Variants in COL25A1 observed in about 807,000 individuals in gnomAD.
COL25A1 encodes the protein collagen type XXV alpha 1 chain.
Under a neutral mutation model 128.4 loss-of-function variants are expected in COL25A1, and 103 were observed. The ratio of observed to expected loss-of-function variants is 0.80; its 90% confidence interval spans 0.68 to 0.94. The LOEUF is 0.94. Among genes scored for constraint, COL25A1 ranks in the 40% least tolerant of loss-of-function variants. COL25A1 has a pLI of 0.00. For missense variants in COL25A1, 745 were observed against 840.0 expected, an observed-to-expected ratio of 0.89 and a Z score of 1.40; for synonymous variants, 279 against 277.2, an observed-to-expected ratio of 1.01 and a Z score of -0.06.
chr4:109,118,910 C>T (rs1375360668), intron 3 of COL25A1, among the ~76,000 whole-genome samples: 3 of 151,972 alleles, frequency 2.0e-5, no homozygotes, highest in Non-Finnish European at 4.4e-5. Flanking sequence ...CAACAGCAGA[C>T]TACACATTCT....
intron 6 of COL25A1, among the ~76,000 whole-genome samples, chr4:109,008,072 A>G (rs1756207602): frequency 6.6e-6 from 1 of 152,186 alleles, no homozygotes; most frequent in African/African-American, 2.4e-5. Context: ...TCTTGTCTAT[A>G]AGACACGAGC....
At chr4:108,988,107 C>T (rs1048912111) in intron 6 of COL25A1, among the ~76,000 whole-genome samples, 1 of 152,216 alleles carries the variant, frequency 6.6e-6, no homozygotes, top group Non-Finnish European at 1.5e-5. Flanking sequence ...ATGACTTAAC[C>T]TCTCTGAGCC....
At chr4:109,105,669 A>G (rs531291319) in intron 3 of COL25A1, among the ~76,000 whole-genome samples, 12 of 152,346 alleles carry the variant, frequency 7.9e-5, no homozygotes, top group African/African-American at 2.6e-4. Flanking sequence ...ATAAGGCTTC[A>G]CAACTTGGAA....
intron 36 of COL25A1, among the ~76,000 whole-genome samples, chr4:108,817,675 G>A (rs1321179847): frequency 6.6e-6 from 1 of 152,092 alleles, no homozygotes; most frequent in East Asian, 1.9e-4. Context: ...AAAATGTTAT[G>A]CCTAATTTTG....
intron 5 of COL25A1, among the ~76,000 whole-genome samples, chr4:109,017,087 A>C (rs1203101854): frequency 6.6e-6 from 1 of 152,156 alleles, no homozygotes; most frequent in Non-Finnish European, 1.5e-5. Flanking sequence ...GGTGTCTCCA[A>C]GTTTCTGGGC....
intron 3 of COL25A1, among the ~76,000 whole-genome samples, chr4:109,113,527 G>GT (rs1158221862): frequency 2.6e-5 from 4 of 152,016 alleles, no homozygotes; most frequent in African/African-American, 9.7e-5. Flanking sequence ...TCTCAATATA[G>GT]TTTTTCAAAA....
At chr4:109,012,513 C>T (rs956789292) in intron 5 of COL25A1, among the ~76,000 whole-genome samples, 16 of 152,254 alleles carry the variant, frequency 1.1e-4, no homozygotes, top group Middle Eastern at 3.4e-3. Context: ...GTGCAGCGCT[C>T]GTGGGCCAGC....
chr4:109,164,078 G>A (rs1772839308), intron 3 of COL25A1, among the ~76,000 whole-genome samples: 1 of 152,008 alleles, frequency 6.6e-6, no homozygotes, highest in African/African-American at 2.4e-5. Flanking sequence ...GGAAGAGAAT[G>A]CTATGTATTC....
intron 9 of COL25A1, 84 bp downstream of exon 9, chr4:108,941,282 A>T: frequency 9.0e-7 from 1 of 1,105,500 alleles, no homozygotes; most frequent in Non-Finnish European, 1.4e-6. Flanking sequence ...CCCCACCCAT[A>T]AGAGATAAAT....
intron 3 of COL25A1, among the ~76,000 whole-genome samples, chr4:109,258,597 C>T (rs1014236087): frequency 5.9e-5 from 9 of 152,038 alleles, no homozygotes; most frequent in African/African-American, 2.2e-4. Context: ...TAAAATAATG[C>T]AATCATAATT....
intron 22 of COL25A1, 103 bp from the exon 23 acceptor site, chr4:108,861,074 C>T: frequency 1.1e-6 from 1 of 927,286 alleles, no homozygotes; most frequent in Non-Finnish European, 1.7e-6. Context: ...TTAATATGAA[C>T]TTCTGAAGTG....
intron 19 of COL25A1, among the ~76,000 whole-genome samples, chr4:108,873,607 A>G (rs1358362559): frequency 6.6e-6 from 1 of 151,758 alleles, no homozygotes; most frequent in Non-Finnish European, 1.5e-5. Context: ...GTGTTACAAC[A>G]TCTCTGCAAC....
chr4:109,010,440 C>T, intron 5 of COL25A1, 65 bp from the exon 6 acceptor site: 2 of 1,112,512 alleles, frequency 1.8e-6, no homozygotes, highest in Non-Finnish European at 2.6e-6. Context: ...TTTTCACTAC[C>T]AAAACTGAAA....
In COL25A1 at chr4:108,859,712, C is replaced by A; in HGVS notation, c.1264G>T (p.Asp422Tyr). 2 of 1,613,810 alleles carry A rather than the reference C, an allele frequency of 1.2e-6. No individual in the cohort carries two copies. The highest frequency in any genetic ancestry group is 1.7e-6 in the Non-Finnish European group (2 of 1,179,894). ...TCTATGATCTCAGTGGCTCCTTGAT[C>A]CCCTTTTTGACCAGGTGGACCCTAT... The part of the protein sequence containing the change: ...GPRGPPGQKG[D>Y]QGATEIIDYN... Residue 422 changes from aspartate (D) to tyrosine (Y), a missense_variant, in exon 24 of 38, where the codon GAT becomes TAT. By Grantham distance (160) the Asp-to-Tyr change is radical. This residue lies in a region of COL25A1 where 387 missense variants were observed against 441.9 expected (regional missense o/e 0.88). Coordinates refer to ENST00000399132, the MANE Select transcript of COL25A1 (RefSeq NM_198721.4).
intron 3 of COL25A1, among the ~76,000 whole-genome samples, chr4:109,278,615 T>C (rs569076442): frequency 1.5e-3 from 221 of 152,284 alleles, no homozygotes; most frequent in African/African-American, 4.7e-3. Context: ...GCCTGGCTAA[T>C]TGCAGGAAAT....
At chr4:109,048,361 T>C (rs1385258662) in intron 4 of COL25A1, among the ~76,000 whole-genome samples, 186 bp from the exon 5 acceptor site, 1 of 152,198 alleles carries the variant, frequency 6.6e-6, no homozygotes, top group Non-Finnish European at 1.5e-5. Flanking sequence ...TTCAAAAAAA[T>C]TTATAATTGC....
intron 3 of COL25A1, among the ~76,000 whole-genome samples, chr4:109,080,982 T>C (rs762469329): frequency 2.6e-5 from 4 of 152,184 alleles, no homozygotes; most frequent in South Asian, 2.1e-4. Flanking sequence ...AGTATCCACA[T>C]TGAACAGGTA....
chr4:109,116,283 G>A (rs1767549674), intron 3 of COL25A1, among the ~76,000 whole-genome samples: 2 of 152,026 alleles, frequency 1.3e-5, no homozygotes, highest in South Asian at 4.1e-4. Flanking sequence ...AAGCCATTTT[G>A]AAATAACAAC....
chr4:108,881,524 C>CT (rs1038144640), intron 19 of COL25A1, among the ~76,000 whole-genome samples: 1 of 152,212 alleles, frequency 6.6e-6, no homozygotes, highest in African/African-American at 2.4e-5. Flanking sequence ...GAGTAATGCG[C>CT]TTGCTACCAC....
Sources: gnomAD v4.1 joint callset for allele counts (sites outside exome capture counted in the v4.1 genomes callset) on GRCh38, gnomAD v4.1.1 for gene constraint, gnomAD v4.1.1 regional missense constraint, MANE v1.5 for transcripts, NCBI Gene and HGNC (gene_info 2026-07-23, HGNC 2026-07-21) for gene names.